Variants in CALM2 observed in about 807,000 individuals in gnomAD.
The protein encoded by CALM2 is calmodulin-2.
A neutral mutation model predicts 19.8 loss-of-function variants in CALM2; 2 were observed. The ratio of observed to expected loss-of-function variants is 0.10; its 90% CI spans 0.04 to 0.32. The LOEUF is 0.32. Among genes scored for constraint, CALM2 ranks in the 10% least tolerant of loss-of-function variants. The pLI, the probability that CALM2 is intolerant of heterozygous loss-of-function variation, is 1.00. For synonymous variants in CALM2, 51 were observed against 52.1 expected, an observed-to-expected ratio of 0.98 and a Z score of 0.09; for missense variants, 38 against 178.7, an observed-to-expected ratio of 0.21 and a Z score of 4.49.
intron 2 of CALM2, chr2:47,163,948 C>T (rs1666355490): frequency 6.6e-6 from 1 of 152,274 alleles, no homozygotes; most frequent in Non-Finnish European, 1.5e-5. Flanking sequence ...GGGTGAAACC[C>T]CGTCTCAGGC....
intron 2 of CALM2, among the ~76,000 whole-genome samples, chr2:47,169,066 G>A (rs998347907): frequency 2.6e-5 from 4 of 152,070 alleles, no homozygotes; most frequent in Non-Finnish European, 5.9e-5. Context: ...GAGCCACTGC[G>A]CCCGGCCAAC....
intron 2 of CALM2, among the ~76,000 whole-genome samples, chr2:47,168,464 C>T (rs1422732226): frequency 6.6e-6 from 1 of 152,140 alleles, no homozygotes; most frequent in East Asian, 1.9e-4. Flanking sequence ...CCAGGCCAGG[C>T]ATGGTGATTC....
At chr2:47,164,246 AAAAAAAG>A (rs1666377143) in intron 2 of CALM2, among the ~76,000 whole-genome samples, 1 of 78,704 alleles carries the variant, frequency 1.3e-5, no homozygotes, top group African/African-American at 3.0e-5. Flanking sequence ...TCAAAAAAAA[AAAAAAAG>A]AAGAAAAAGA....
At chr2:47,162,186 A>C (rs1236390761) in intron 4 of CALM2, 100 bp downstream of exon 4, 9 of 445,368 alleles carry the variant, frequency 2.0e-5, no homozygotes, top group African/African-American at 4.4e-5. Flanking sequence ...AAAAAAAAAA[A>C]AAAAAAAAAA....
At chr2:47,170,632 T>C in intron 2 of CALM2, 102 bp downstream of exon 2, 1 of 915,112 alleles carries the variant, frequency 1.1e-6, no homozygotes. Context: ...ATCCATGACA[T>C]ATACCAAAGT....
At chr2:47,167,968 T>C (rs1051750677) in intron 2 of CALM2, among the ~76,000 whole-genome samples, 3 of 151,596 alleles carry the variant, frequency 2.0e-5, no homozygotes, top group African/African-American at 7.3e-5. Context: ...AAAAATTGCC[T>C]TCATCTCAAA....
chr2:47,176,433 G>A lies in CALM2; in HGVS notation c.3+8C>T, dbSNP rs766177893. 2.5e-6 allele frequency: 4 copies of A among 1,613,290 alleles called. No individual in the cohort carries two copies. The highest frequency in any genetic ancestry group is 1.1e-5 in the South Asian group (1 of 91,058). Reference sequence around the variant, plus strand: ...GGCCCAGCGCCGGCAGCTCAGCGATGCACTCACCATGCTGCAAGCGCTACC... The same window carrying A: ...GGCCCAGCGCCGGCAGCTCAGCGATACACTCACCATGCTGCAAGCGCTACC... On this transcript the variant is annotated splice_region_variant and intron_variant, in intron 1 of 5. Coordinates refer to ENST00000272298, the MANE Select transcript of CALM2 (RefSeq NM_001743.6).
At chr2:47,173,707 C>T (rs1666751340) in intron 1 of CALM2, 1 of 152,190 alleles carries the variant, frequency 6.6e-6, no homozygotes, top group South Asian at 2.1e-4. Flanking sequence ...ACGCAAACTG[C>T]TATCCTTCAT....
intron 2 of CALM2, among the ~76,000 whole-genome samples, chr2:47,165,482 C>G (rs1385849519): frequency 6.6e-6 from 1 of 152,148 alleles, no homozygotes; most frequent in African/African-American, 2.4e-5. Flanking sequence ...TAATAAATGT[C>G]AAGATAAAGA....
chr2:47,174,951 G>C (rs1336613711), intron 1 of CALM2, among the ~76,000 whole-genome samples: 1 of 152,108 alleles, frequency 6.6e-6, no homozygotes, highest in African/African-American at 2.4e-5. Context: ...ACAGGCTGGA[G>C]GTTTCAGTTG....
intron 2 of CALM2, among the ~76,000 whole-genome samples, chr2:47,169,904 C>A (rs1270241357): frequency 1.4e-5 from 2 of 147,758 alleles, no homozygotes. Context: ...GGTGCTCATG[C>A]TAATAAAAGT....
chr2:47,161,094 T>C (rs1332492546), intron 5 of CALM2, among the ~76,000 whole-genome samples: 3 of 152,198 alleles, frequency 2.0e-5, no homozygotes, highest in Non-Finnish European at 4.4e-5. Context: ...TCTGCTGGAT[T>C]ACAAGACAAT....
In CALM2 at chr2:47,176,498, T is replaced by TCTCCACTCGGACTAATTCGC. The variant is rs770286180; in HGVS notation, c.-56_-55insGCGAATTAGTCCGAGTGGAG. ...GACCACACAACCACTCAGCTCGCTC[T>TCTCCACTCGGACTAATTCGC]CTCCACTCGGACTAATTCGCCTCCT... On this transcript the variant is annotated 5_prime_UTR_variant, in exon 1 of 6. Transcript: ENST00000272298. The TCTCCACTCGGACTAATTCGC allele has an allele frequency of 1.4e-5, 23 of 1,610,622 alleles. No homozygotes were observed. The highest frequency in any genetic ancestry group is 3.4e-6 in the Non-Finnish European group (4 of 1,178,826).
chr2:47,161,881 TTC>T lies in CALM2; in HGVS notation c.286-25_286-24del, dbSNP rs1339895320. On this transcript the variant is annotated intron_variant, in intron 4 of 5. Transcript: ENST00000272298. ...ATCCTAGCAAAAAATTTAGTATAGT[TTC>T]TGAGTCAAATTACAGACTTGAGAGT... 1.9e-6 allele frequency: 3 copies of T among 1,590,874 alleles called. No homozygotes were observed. The Admixed American group carries it at 5.4e-5, about 29-fold the overall frequency.
At position 47,171,018 on chromosome 2, in the gene CALM2, T is replaced by C; in HGVS notation, c.4-254A>G. ...ATACTTTAGAATCCAATAGAAACAT[T>C]GCTTCCTTTTTCAACGTTAGAATAG... On this transcript the variant is annotated intron_variant, in intron 1 of 5. Coordinates refer to ENST00000272298, the MANE Select transcript of CALM2 (RefSeq NM_001743.6). 7.1e-6 allele frequency: 3 copies of C among 424,578 alleles called. No individual in the cohort carries two copies. In the South Asian group the frequency reaches 1.1e-4, roughly 16 times the overall value. 26.3% of individuals were successfully genotyped at this position (424,578 alleles called of 1,614,324 possible).
upstream of CALM2, chr2:47,176,785 G>A (rs1666888387): frequency 4.1e-6 from 4 of 985,480 alleles, no homozygotes; most frequent in South Asian, 4.7e-5. Flanking sequence ...GCGCGGAGGA[G>A]CATCGTGGCG....
At chr2:47,164,810 T>C (rs1028358178) in intron 2 of CALM2, among the ~76,000 whole-genome samples, 3 of 152,162 alleles carry the variant, frequency 2.0e-5, no homozygotes, top group South Asian at 4.1e-4. Context: ...ATGTGACACA[T>C]GTGTAAGAAA....
chr2:47,162,005 G>A, intron 4 of CALM2, 147 bp from the exon 5 acceptor site: 1 of 698,580 alleles, frequency 1.4e-6, no homozygotes, highest in South Asian at 2.0e-5. Flanking sequence ...ACCTACAAAT[G>A]TCATTAAGAG....
intron 1 of CALM2, among the ~76,000 whole-genome samples, chr2:47,174,864 C>G (rs1315424131): frequency 6.6e-6 from 1 of 152,080 alleles, no homozygotes; most frequent in Non-Finnish European, 1.5e-5. Flanking sequence ...ACATTTGAAG[C>G]ATCAAGATGA....
Sources: allele counts gnomAD v4.1 joint callset (sites outside exome capture counted in the v4.1 genomes callset), GRCh38; gene constraint gnomAD v4.1.1; transcripts MANE v1.5; gene names NCBI Gene and HGNC (gene_info 2026-07-23, HGNC 2026-07-21).